Variants in PARD3B observed in about 807,000 individuals in gnomAD.
PARD3B encodes par-3 family cell polarity regulator beta.
PARD3B carries 103 observed loss-of-function variants against 130.2 expected under a neutral mutation model. The ratio of observed to expected loss-of-function variants is 0.79; its 90% CI spans 0.67 to 0.93. The LOEUF (loss-of-function observed/expected upper bound fraction) is 0.93, where lower values mean the gene tolerates loss of function less well. PARD3B is among the 40% of genes least tolerant of loss of function. The probability of loss-of-function intolerance (pLI) is 0.00; values close to 1 mark genes in which losing one functional copy is unlikely to be tolerated. For missense variants in PARD3B, 1,609 were observed against 1,499.2 expected (o/e 1.07, Z -1.21); for synonymous variants, 583 against 553.2 (o/e 1.05, Z -0.76).
intron 16 of PARD3B, among the ~76,000 whole-genome samples, chr2:205,250,467 T>C (rs1185577173): frequency 6.6e-6 from 1 of 152,160 alleles, no homozygotes; most frequent in Admixed American, 6.5e-5. Context: ...CAGGCAAGTG[T>C]GTGAAAGTAA....
intron 2 of PARD3B, among the ~76,000 whole-genome samples, chr2:204,712,399 T>G (rs1279615630): frequency 6.6e-6 from 1 of 151,820 alleles, no homozygotes. Flanking sequence ...GATCACAAGA[T>G]TAGGAGTTTG....
intron 11 of PARD3B, among the ~76,000 whole-genome samples, chr2:205,170,275 T>TC (rs1375419977): frequency 6.6e-6 from 1 of 152,156 alleles, no homozygotes; most frequent in African/African-American, 2.4e-5. Context: ...TGTGCCTCAC[T>TC]CAAAATTGGA....
chr2:205,532,015 A>AATC (rs1398621737), intron 21 of PARD3B, among the ~76,000 whole-genome samples: 1 of 152,134 alleles, frequency 6.6e-6, no homozygotes, highest in African/African-American at 2.4e-5. Context: ...CACCGCTATT[A>AATC]ATCAACACTT....
chr2:205,148,428 C>G (rs900080540), intron 10 of PARD3B, among the ~76,000 whole-genome samples: 50 of 152,166 alleles, frequency 3.3e-4, no homozygotes, highest in African/African-American at 1.2e-3. Flanking sequence ...CTGATCCCTA[C>G]TCTAGGATGA....
At position 205,615,737 on chromosome 2, in the gene PARD3B, G is replaced by C; in HGVS notation, c.3542G>C (p.Arg1181Pro). Residue 1181 changes from arginine to proline, a missense_variant, in exon 23 of 23, where the codon CGT becomes CCT. Coordinates refer to ENST00000406610, the MANE Select transcript of PARD3B (RefSeq NM_001302769.2). ...CAGGAAACAGGCAGACCAGGGCCCC[G>C]TGGGGGCAGCCCAGACCAGTACCCT... ...AYQETGRPGP[R>P]GGSPDQYPYR... is the part of the protein sequence containing the mutation. The C allele has an allele frequency of 1.9e-6, 3 of 1,614,036 alleles. No homozygotes were observed. Among genetic ancestry groups the C allele is most frequent in the Non-Finnish European group, 2.5e-6 (3 of 1,179,992 alleles).
chr2:205,557,630 G>A (rs746392792), intron 22 of PARD3B, among the ~76,000 whole-genome samples: 9 of 152,098 alleles, frequency 5.9e-5, no homozygotes, highest in Admixed American at 1.3e-4. Context: ...TGCAAATTGG[G>A]GATGATATTA....
At position 205,304,428 on chromosome 2, in the gene PARD3B, G is replaced by T. The variant is rs537796134; in HGVS notation, c.2630+2727G>T. On this transcript the variant is annotated intron_variant, in intron 18 of 22. Coordinates refer to ENST00000406610, the MANE Select transcript of PARD3B (RefSeq NM_001302769.2). ...AGACGGGCGGATCACCTGAGGTCAG[G>T]AGTTCGAGACCAGCTTGACTAACAT... is the stretch of plus-strand genomic sequence containing the variant. Among the ~76,000 whole-genome samples, 15 of 152,186 alleles carry T rather than the reference G, an allele frequency of 9.9e-5. No individual in the cohort carries two copies. In the South Asian group the frequency reaches 3.1e-3, roughly 32 times the overall value.
intron 3 of PARD3B, among the ~76,000 whole-genome samples, chr2:204,986,182 A>G (rs1478456787): frequency 6.6e-6 from 1 of 150,386 alleles, no homozygotes; most frequent in East Asian, 2.0e-4. Flanking sequence ...GATCTCTGTC[A>G]TCTTTTGATT....
intron 2 of PARD3B, among the ~76,000 whole-genome samples, chr2:204,775,984 T>A (rs1007609625): frequency 1.3e-5 from 2 of 152,240 alleles, no homozygotes; most frequent in African/African-American, 2.4e-5. Context: ...CATATTTAAC[T>A]CTTCTAAGAG....
At chr2:204,930,184 T>G (rs917298579) in intron 2 of PARD3B, among the ~76,000 whole-genome samples, 2 of 151,988 alleles carry the variant, frequency 1.3e-5, no homozygotes, top group Admixed American at 6.6e-5. Flanking sequence ...AAAAACCCTG[T>G]GTTCATTTAC....
At chr2:205,509,719 G>A (rs2050518668) in intron 21 of PARD3B, among the ~76,000 whole-genome samples, 1 of 152,196 alleles carries the variant, frequency 6.6e-6, no homozygotes, top group African/African-American at 2.4e-5. Context: ...CTAGCCTCTG[G>A]ATTCTCCAGC....
intron 3 of PARD3B, among the ~76,000 whole-genome samples, chr2:204,996,435 G>A (rs1264260561): frequency 2.0e-5 from 3 of 152,106 alleles, no homozygotes; most frequent in Non-Finnish European, 2.9e-5. Context: ...GCAGTGTGCC[G>A]GTTCTCAGAT....
Position 205,615,845 on chromosome 2 carries a change from A to C in PARD3B, c.*32A>C. The C allele has an allele frequency of 6.4e-7, 1 of 1,555,034 alleles. No homozygotes were observed. The highest frequency in any genetic ancestry group is 8.8e-7 in the Non-Finnish European group (1 of 1,140,120). ...GCCACCGAGGCCAGCCCGGTCCAGA[A>C]AGGAAGGTGTCTACTCTACCTTTGC... is the stretch of plus-strand genomic sequence containing the variant. On this transcript the variant is annotated 3_prime_UTR_variant, in exon 23 of 23. Coordinates refer to ENST00000406610, the MANE Select transcript of PARD3B (RefSeq NM_001302769.2).
rs145609368 is a variant in PARD3B, at chr2:205,616,519, G to A, written c.*706G>A. 14 of 152,312 alleles carry A rather than the reference G, an allele frequency of 9.2e-5. 1 individual carries two copies. Among genetic ancestry groups the A allele is most frequent in the African/African-American group, 2.6e-4 (11 of 41,536 alleles). The allele number at this position is 152,312 out of a possible 1,614,324, so 9.4% of individuals were successfully genotyped here. A position where few individuals can be genotyped will look rare whatever the true frequency, so the allele number is the denominator to read the frequency against. ...GTAAAATGCAGTATTAGTCCCGGGA[G>A]GATGTGCACAGCTGGTCAGAGCTTC... On this transcript the variant is annotated 3_prime_UTR_variant, in exon 23 of 23. Coordinates refer to ENST00000406610, the MANE Select transcript of PARD3B (RefSeq NM_001302769.2).
chr2:204,870,176 G>C (rs1022174054), intron 2 of PARD3B, among the ~76,000 whole-genome samples: 6 of 152,078 alleles, frequency 3.9e-5, no homozygotes, highest in Non-Finnish European at 5.9e-5. Flanking sequence ...ATTTTGGATG[G>C]GGTGGTAGAG....
chr2:205,400,129 G>T (rs769954731), intron 18 of PARD3B, among the ~76,000 whole-genome samples: 3 of 152,136 alleles, frequency 2.0e-5, no homozygotes, highest in African/African-American at 7.2e-5. Context: ...AGCCTGCTTA[G>T]GAGATTGATA....
chr2:205,290,383 A>G (rs1207425), intron 16 of PARD3B, among the ~76,000 whole-genome samples: 43,165 of 152,140 alleles, frequency 0.28, 7,431 homozygotes, highest in African/African-American at 0.47. Flanking sequence ...TTTCAGCTCA[A>G]GGTTTGTCAG....
In PARD3B at chr2:205,287,901, G is replaced by C. The variant is rs1324726374; in HGVS notation, c.2186-12629G>C. ...CCCTGAGGGAAGGTTATTAATGGAA[G>C]TATCACCTTCTTGTAACCTTGTTTC... On this transcript the variant is annotated intron_variant, in intron 16 of 22. Coordinates refer to ENST00000406610, the MANE Select transcript of PARD3B (RefSeq NM_001302769.2). This position sits in a 1 kb window ranked among gnomAD's most constrained non-coding sequence, Gnocchi z 4.8. Among the ~76,000 whole-genome samples, 2 of 152,148 alleles carry C rather than the reference G, an allele frequency of 1.3e-5. No homozygotes were observed. Among genetic ancestry groups the C allele is most frequent in the Admixed American group, 1.3e-4 (2 of 15,278 alleles).
Position 205,589,987 on chromosome 2 carries a change from T to C in PARD3B, c.3261-25469T>C, listed in dbSNP as rs1237645105. On this transcript the variant is annotated intron_variant, in intron 22 of 22. Transcript: ENST00000406610. This position sits in a 1 kb window ranked among gnomAD's most constrained non-coding sequence, Gnocchi z 4.1. ...AGAAGCATAAGCTGCAACAAAGCTT[T>C]TCTCCCCCAAGGTGGTTTCCAAAGT... is the stretch of plus-strand genomic sequence containing the variant. Among the ~76,000 whole-genome samples, 1 of 152,138 alleles carries C rather than the reference T, an allele frequency of 6.6e-6. No individual in the cohort carries two copies. The highest frequency in any genetic ancestry group is 1.9e-4 in the East Asian group (1 of 5,172).
Sources: gnomAD v4.1 joint callset for allele counts (sites outside exome capture counted in the v4.1 genomes callset) on GRCh38, gnomAD v4.1.1 for gene constraint, Gnocchi (gnomAD v3.1) non-coding constraint, MANE v1.5 for transcripts, NCBI Gene and HGNC (gene_info 2026-07-23, HGNC 2026-07-21) for gene names.